RALGPS2: variants seen among roughly 807,000 people sequenced by gnomAD.
RALGPS2 encodes ras-specific guanine nucleotide-releasing factor RalGPS2.
RALGPS2 carries 43 observed loss-of-function variants against 86.8 expected under a neutral mutation model. The ratio of observed to expected loss-of-function variants is 0.50; its 90% CI spans 0.39 to 0.64. The LOEUF (loss-of-function observed/expected upper bound fraction) is 0.64, where lower values mean the gene tolerates loss of function less well. Among genes scored for constraint, RALGPS2 ranks in the 30% least tolerant of loss-of-function variants. The pLI, the probability that RALGPS2 is intolerant of heterozygous loss-of-function variation, is 0.00. For missense variants in RALGPS2, 536 were observed against 694.6 expected, an observed-to-expected ratio of 0.77 and a Z score of 2.57; for synonymous variants, 243 against 231.3, an observed-to-expected ratio of 1.05 and a Z score of -0.46.
intron 8 of RALGPS2, among the ~76,000 whole-genome samples, chr1:178,856,194 G>GATATATATATATATATATATATAT (rs776840814): frequency 1.1e-4 from 11 of 99,184 alleles, no homozygotes; most frequent in South Asian, 3.3e-4. Context: ...CTTTTCCAGA[G>GATATATATATATATATATATATAT]AGAGAGAGAT....
At chr1:178,850,436 A>C (rs1039592306) in intron 8 of RALGPS2, 1 of 152,212 alleles carries the variant, frequency 6.6e-6, no homozygotes, top group African/African-American at 2.4e-5. Flanking sequence ...TGAAGATAAC[A>C]CTGAAAAATT....
intron 8 of RALGPS2, among the ~76,000 whole-genome samples, chr1:178,859,561 G>A (rs998162535): frequency 9.3e-5 from 14 of 150,740 alleles, no homozygotes; most frequent in African/African-American, 3.4e-4. Context: ...CCGCCACTAC[G>A]AAGTTTTAAC....
intron 8 of RALGPS2, among the ~76,000 whole-genome samples, chr1:178,869,771 G>T (rs1355940551): frequency 6.6e-6 from 1 of 151,966 alleles, no homozygotes; most frequent in Admixed American, 6.6e-5. Flanking sequence ...TTTTTACAAG[G>T]CTAAAGGAGC....
chr1:178,756,863 A>G (rs1038162910), intron 1 of RALGPS2, among the ~76,000 whole-genome samples: 4 of 152,144 alleles, frequency 2.6e-5, no homozygotes, highest in African/African-American at 9.7e-5. Context: ...TGCTGGCTTC[A>G]TAGAATGAGT....
intron 1 of RALGPS2, among the ~76,000 whole-genome samples, chr1:178,742,691 T>TG (rs766152747): frequency 3.3e-5 from 5 of 152,244 alleles, no homozygotes; most frequent in Admixed American, 6.5e-5. Context: ...TTTTTCATGA[T>TG]GGACTATGTT....
chr1:178,909,928 C>T (rs1340937013), intron 19 of RALGPS2, among the ~76,000 whole-genome samples: 1 of 152,102 alleles, frequency 6.6e-6, no homozygotes. Flanking sequence ...GGATTACAGG[C>T]GTGAGCCACT....
intron 1 of RALGPS2, among the ~76,000 whole-genome samples, chr1:178,730,021 A>G (rs925293458): frequency 2.0e-5 from 3 of 152,128 alleles, no homozygotes; most frequent in African/African-American, 7.2e-5. Flanking sequence ...GGCTCATTGC[A>G]GCCTCCACCT....
chr1:178,878,478 A>G (rs1302303125), intron 9 of RALGPS2, among the ~76,000 whole-genome samples: 14 of 152,144 alleles, frequency 9.2e-5, no homozygotes, highest in Admixed American at 8.5e-4. Context: ...TTTTCTCAGT[A>G]TTTTAAACAT....
chr1:178,727,873 AG>A (rs1650119331), intron 1 of RALGPS2, among the ~76,000 whole-genome samples: 1 of 152,202 alleles, frequency 6.6e-6, no homozygotes, highest in African/African-American at 2.4e-5. Flanking sequence ...TTAAATGATA[AG>A]TGGGCAAATA....
At chr1:178,854,398 T>G (rs1472324675) in intron 8 of RALGPS2, among the ~76,000 whole-genome samples, 2 of 152,138 alleles carry the variant, frequency 1.3e-5, no homozygotes, top group Non-Finnish European at 2.9e-5. Flanking sequence ...TGCAAAATAT[T>G]ATGTTTCCCT....
intron 1 of RALGPS2, among the ~76,000 whole-genome samples, chr1:178,727,825 A>G (rs1430101577): frequency 6.6e-6 from 1 of 152,148 alleles, no homozygotes; most frequent in Non-Finnish European, 1.5e-5. Flanking sequence ...ACAACAGGGG[A>G]GACACAACAG....
chr1:178,763,643 A>G (rs1031937592), intron 1 of RALGPS2, among the ~76,000 whole-genome samples: 8 of 152,024 alleles, frequency 5.3e-5, no homozygotes, highest in African/African-American at 1.9e-4. Flanking sequence ...TTTGGCTCTC[A>G]GTTTGGATGT....
At chr1:178,826,754 T>C (rs1446009705) in intron 7 of RALGPS2, among the ~76,000 whole-genome samples, 1 of 152,212 alleles carries the variant, frequency 6.6e-6, no homozygotes, top group South Asian at 2.1e-4. Flanking sequence ...AATACAAAAT[T>C]GGTTATATTT....
At chr1:178,866,096 A>G (rs988606691) in intron 8 of RALGPS2, among the ~76,000 whole-genome samples, 5 of 152,162 alleles carry the variant, frequency 3.3e-5, no homozygotes, top group African/African-American at 9.7e-5. Flanking sequence ...ACTCTGTGCA[A>G]AGATACGCTG....
At chr1:178,878,626 T>G (rs1293578550) in intron 9 of RALGPS2, among the ~76,000 whole-genome samples, 1 of 152,166 alleles carries the variant, frequency 6.6e-6, no homozygotes, top group Non-Finnish European at 1.5e-5. Flanking sequence ...TTAGAATAGT[T>G]CTTGATCTTT....
chr1:178,875,455 C>T (rs569470179), intron 8 of RALGPS2, among the ~76,000 whole-genome samples: 1 of 152,026 alleles, frequency 6.6e-6, no homozygotes, highest in South Asian at 2.1e-4. Context: ...GAGATTTAAA[C>T]ATGTATATTG....
At chr1:178,732,629 A>C (rs1441531208) in intron 1 of RALGPS2, among the ~76,000 whole-genome samples, 1 of 152,190 alleles carries the variant, frequency 6.6e-6, no homozygotes, top group South Asian at 2.1e-4. Context: ...AGTACCTTTA[A>C]TATTTCATCA....
chr1:178,840,781 G>A (rs1656564855), intron 8 of RALGPS2, among the ~76,000 whole-genome samples: 1 of 151,240 alleles, frequency 6.6e-6, no homozygotes, highest in Admixed American at 6.6e-5. Context: ...GAAAAGGGAG[G>A]AATCAAACAG....
chr1:178,809,046 C>A (rs1474448081), intron 5 of RALGPS2, among the ~76,000 whole-genome samples: 1 of 151,998 alleles, frequency 6.6e-6, no homozygotes, highest in Non-Finnish European at 1.5e-5. Flanking sequence ...GATGAGGTCT[C>A]ACTATGTTGC....
Sources: gnomAD v4.1 joint callset for allele counts (sites outside exome capture counted in the v4.1 genomes callset) on GRCh38, gnomAD v4.1.1 for gene constraint, MANE v1.5 for transcripts, NCBI Gene and HGNC (gene_info 2026-07-23, HGNC 2026-07-21) for gene names.